The following NUDT21 variants were observed in gnomAD, a reference collection of about 807,000 sequenced individuals.
NUDT21 encodes the protein cleavage and polyadenylation specificity factor subunit 5.
A neutral mutation model predicts 29.8 loss-of-function variants in NUDT21; 5 were observed. The ratio of observed to expected loss-of-function variants is 0.17; its 90% CI spans 0.09 to 0.35. The LOEUF is 0.35. Ranked by LOEUF, NUDT21 falls within the 10% of genes least tolerant of loss-of-function variation. The pLI is 1.00. For missense variants in NUDT21, 76 were observed against 276.0 expected (o/e 0.28, Z 5.13); for synonymous variants, 113 against 98.5 (o/e 1.15, Z -0.87).
chr16:56,437,833 G>A (rs1962120894), intron 4 of NUDT21, among the ~76,000 whole-genome samples: 1 of 152,128 alleles, frequency 6.6e-6, no homozygotes, highest in Admixed American at 6.5e-5. Flanking sequence ...AGTCTTTAGA[G>A]GATGCTAAGG....
rs1962039232 is a variant in NUDT21, at chr16:56,431,952, C to G, written c.*760G>C. 6.6e-6 allele frequency: 1 copy of G among 152,182 alleles called. No homozygotes were observed. The highest frequency in any genetic ancestry group is 1.5e-5 in the Non-Finnish European group (1 of 68,034). 9.4% of individuals were successfully genotyped at this position (152,182 alleles called of 1,614,324 possible). On this transcript the variant is annotated 3_prime_UTR_variant, in exon 7 of 7. Transcript: ENST00000300291. ...TACATCCAATTTTAGAAATTTCCTT[C>G]ACAGATCCCTATTTTTACCATGGCT...
intron 3 of NUDT21, among the ~76,000 whole-genome samples, chr16:56,446,205 CT>C (rs1324741284): frequency 1.2e-4 from 19 of 152,180 alleles, no homozygotes; most frequent in African/African-American, 3.9e-4. Flanking sequence ...GCATCTTTCT[CT>C]TTTCAAAATT....
intron 4 of NUDT21, among the ~76,000 whole-genome samples, chr16:56,437,198 A>C (rs953529430): frequency 6.6e-6 from 1 of 152,140 alleles, no homozygotes; most frequent in Admixed American, 6.5e-5. Context: ...GTCAGAAGCA[A>C]GAGAAAAGAA....
At position 56,432,649 on chromosome 16, in the gene NUDT21, C is replaced by A. The variant is rs1962047505; in HGVS notation, c.*63G>T. ...AAACTTTTCTACCACATTTATTCTA[C>A]ACTGTATATAGCTGTGCTCACAGAG... On this transcript the variant is annotated 3_prime_UTR_variant, in exon 7 of 7. Transcript: ENST00000300291. 1.4e-6 allele frequency: 2 copies of A among 1,461,988 alleles called. No individual in the cohort carries two copies. Among genetic ancestry groups the A allele is most frequent in the Admixed American group, 2.2e-5 (1 of 45,800 alleles). The allele number at this position is 1,461,988 out of a possible 1,614,324, so 90.6% of individuals were successfully genotyped here. A position where few individuals can be genotyped will look rare whatever the true frequency, so the allele number is the denominator to read the frequency against.
Position 56,429,642 on chromosome 16 carries a change from C to A in NUDT21, c.*3070G>T, listed in dbSNP as rs1962010706. Reference sequence around the variant, plus strand: ...ATGAGTCCAGTTTAACCCAAATAATCAGTGATGTATAACAAGTGAAGTAAG... The same window carrying A: ...ATGAGTCCAGTTTAACCCAAATAATAAGTGATGTATAACAAGTGAAGTAAG... On this transcript the variant is annotated 3_prime_UTR_variant, in exon 7 of 7. Transcript: ENST00000300291. The A allele has an allele frequency of 6.6e-6, 1 of 152,162 alleles. No homozygotes were observed. The highest frequency in any genetic ancestry group is 1.5e-5 in the Non-Finnish European group (1 of 68,032). The allele number at this position is 152,162 out of a possible 1,614,324, so 9.4% of individuals were successfully genotyped here.
Position 56,434,494 on chromosome 16 carries a change from T to A in NUDT21, c.548-49A>T, listed in dbSNP as rs535896337. The stretch of plus-strand genomic sequence containing the variant: ...TTATAAGTTATTATATAATCACTGC[T>A]TCCATTTCATTTTTAAATTACCAAT... On this transcript the variant is annotated intron_variant, in intron 5 of 6. Coordinates refer to ENST00000300291, the MANE Select transcript of NUDT21 (RefSeq NM_007006.3). 63 of 1,034,770 alleles carry A rather than the reference T, an allele frequency of 6.1e-5. No individual in the cohort carries two copies. In the South Asian group the frequency reaches 8.5e-4, roughly 14 times the overall value. 64.1% of individuals were successfully genotyped at this position (1,034,770 alleles called of 1,614,324 possible).
chr16:56,449,728 T>C (rs1164334958), intron 1 of NUDT21, among the ~76,000 whole-genome samples: 2 of 152,214 alleles, frequency 1.3e-5, no homozygotes, highest in Non-Finnish European at 2.9e-5. Context: ...AGCTGTGCTT[T>C]CACACTTTTA....
At chr16:56,450,370 A>C (rs1035728010) in intron 1 of NUDT21, among the ~76,000 whole-genome samples, 30 of 152,224 alleles carry the variant, frequency 2.0e-4, no homozygotes, top group African/African-American at 7.2e-4. Context: ...GGTGTTGAAA[A>C]TAAAACACAG....
chr16:56,451,041 G>A, intron 1 of NUDT21, 46 bp downstream of exon 1: 2 of 1,531,872 alleles, frequency 1.3e-6, no homozygotes, highest in Middle Eastern at 1.7e-4. Flanking sequence ...AGAGTCTATA[G>A]GAGCTTTCAC....
intron 6 of NUDT21, 118 bp from the exon 7 acceptor site, chr16:56,432,851 T>G: frequency 1.4e-6 from 1 of 714,440 alleles, no homozygotes; most frequent in Non-Finnish European, 2.2e-6. Flanking sequence ...CATTTTCTTT[T>G]TTTCCCCTTC....
At position 56,432,755 on chromosome 16, in the gene NUDT21, A is replaced by G. The variant is rs764326517; in HGVS notation, c.663-22T>C. On this transcript the variant is annotated intron_variant, in intron 6 of 6. Coordinates refer to ENST00000300291, the MANE Select transcript of NUDT21 (RefSeq NM_007006.3). ...GAACCTGAATTTTAAAAAGAACAAT[A>G]CCTTTATTAAAGACAGTACATACTA... is the stretch of plus-strand genomic sequence containing the variant. The G allele has an allele frequency of 3.8e-6, 6 of 1,562,296 alleles. No individual in the cohort carries two copies. The African/African-American group carries it at 8.1e-5, about 21-fold the overall frequency.
rs551654317 is a variant in NUDT21 at position 56,444,197 on chromosome 16, T to C, written c.381+2429A>G. On this transcript the variant is annotated intron_variant, in intron 3 of 6. Transcript: ENST00000300291. Reference sequence around the variant, plus strand: ...TACTCAGGAAGCTGAGGCAGGAAGATTGCTTGAGCCCAGGAGTTTGTGGTT... The same window carrying C: ...TACTCAGGAAGCTGAGGCAGGAAGACTGCTTGAGCCCAGGAGTTTGTGGTT... Among the ~76,000 whole-genome samples the C allele has an allele frequency of 3.8e-4, 58 of 152,246 alleles. 1 individual carries two copies. The South Asian group carries it at 8.1e-3, about 21-fold the overall frequency.
At chr16:56,442,866 T>C (rs1239840796) in intron 3 of NUDT21, among the ~76,000 whole-genome samples, 3 of 152,208 alleles carry the variant, frequency 2.0e-5, no homozygotes, top group Admixed American at 1.3e-4. Context: ...CTTAACTCTT[T>C]ACTGAATTTT....
chr16:56,447,770 A>C lies in NUDT21; in HGVS notation c.317+19T>G. On this transcript the variant is annotated intron_variant, in intron 2 of 6. Transcript: ENST00000300291. Reference sequence around the variant, plus strand: ...TCCTACTAAAAACTGTCTTGCTGTTAATTTCCAACACTACTTACAGTTTGA... The same window carrying C: ...TCCTACTAAAAACTGTCTTGCTGTTCATTTCCAACACTACTTACAGTTTGA... The C allele has an allele frequency of 1.2e-6, 2 of 1,611,852 alleles. No homozygotes were observed. The highest frequency in any genetic ancestry group is 1.7e-6 in the Non-Finnish European group (2 of 1,177,956).
intron 1 of NUDT21, among the ~76,000 whole-genome samples, chr16:56,448,705 T>C (rs1962246044): frequency 6.6e-6 from 1 of 152,206 alleles, no homozygotes; most frequent in African/African-American, 2.4e-5. Flanking sequence ...ACAGTTTTCA[T>C]CTTGCCTAAT....
intron 4 of NUDT21, among the ~76,000 whole-genome samples, chr16:56,435,465 G>A (rs1231798869): frequency 2.0e-5 from 3 of 151,222 alleles, no homozygotes; most frequent in Non-Finnish European, 4.4e-5. Context: ...AGTGGCTCAC[G>A]CCTGTAATCG....
In NUDT21 at chr16:56,433,727, G is replaced by A. The variant is rs151241053; in HGVS notation, c.662+604C>T. ...TTTTTAGATGGAGTCTCACTCTGTC[G>A]CCCAGGCTGGAGTGCAGTAGCGTGA... On this transcript the variant is annotated intron_variant, in intron 6 of 6. Transcript: ENST00000300291. Among the ~76,000 whole-genome samples, 444 of 151,814 alleles carry A rather than the reference G, an allele frequency of 2.9e-3. 6 individuals are homozygous for A. Among genetic ancestry groups the A allele is most frequent in the Admixed American group, 0.018 (267 of 15,240 alleles).
At chr16:56,434,021 A>G (rs1355903199) in intron 6 of NUDT21, among the ~76,000 whole-genome samples, 2 of 152,210 alleles carry the variant, frequency 1.3e-5, no homozygotes, top group Admixed American at 6.5e-5. Flanking sequence ...AACTCCGCTC[A>G]TATTTACACA....
At chr16:56,448,106 G>A in intron 1 of NUDT21, 117 bp from the exon 2 acceptor site, 1 of 798,202 alleles carries the variant, frequency 1.3e-6, no homozygotes, top group Non-Finnish European at 2.0e-6. Flanking sequence ...CTCAGACACA[G>A]GATTTGTACA....
Sources: allele counts gnomAD v4.1 joint callset (sites outside exome capture counted in the v4.1 genomes callset), GRCh38; gene constraint gnomAD v4.1.1; transcripts MANE v1.5; gene names NCBI Gene and HGNC (gene_info 2026-07-23, HGNC 2026-07-21).